SCN4A: variants seen among roughly 807,000 people sequenced by gnomAD.
SCN4A encodes the protein sodium channel protein type 4 subunit alpha.
In SCN4A, 83 loss-of-function variants were observed where a neutral mutation model predicts 162.0. The ratio of observed to expected loss-of-function variants is 0.51; its 90% CI spans 0.43 to 0.61. The LOEUF is 0.61. Ranked by LOEUF, SCN4A falls within the 20% of genes least tolerant of loss-of-function variation. The probability of loss-of-function intolerance (pLI) is 0.00; values close to 1 mark genes in which losing one functional copy is unlikely to be tolerated. For synonymous variants in SCN4A, 944 were observed against 985.1 expected (o/e 0.96, Z 0.78); for missense variants, 2,196 against 2,462.5 (o/e 0.89, Z 2.29).
In SCN4A at chr17:63,957,233, A is replaced by T; in HGVS notation, c.2305T>A (p.Cys769Ser). ...CGEWIETMWD[C>S]MEVAGQAMCL... is the part of the protein sequence containing the mutation. The stretch of plus-strand genomic sequence containing the variant: ...ATGGCTTGGCCGGCCACCTCCATGC[A>T]GTCCCACATGGTCTCGATCCACTCC... The change falls in exon 13 of 24, where the codon TGC becomes AGC. Residue 769 changes from cysteine to serine, a missense_variant. By Grantham distance (112) the Cys-to-Ser change is moderately radical. Coordinates refer to ENST00000435607, the MANE Select transcript of SCN4A (RefSeq NM_000334.4). The T allele has an allele frequency of 6.2e-7, 1 of 1,608,468 alleles. No homozygotes were observed. The highest frequency in any genetic ancestry group is 2.2e-5 in the East Asian group (1 of 44,740).
rs769404443 is a variant in SCN4A, at chr17:63,947,084, C to A, written c.3402G>T (p.Leu1134=). ...PIKSLRTLRA[L]RPLRALSRFE... Reference sequence around the variant, plus strand: ...ATCGGGACAGTGCCCTCAGGGGACGCAGGGCCCGCAGTGTCCGCAGGGATT... The same window carrying A: ...ATCGGGACAGTGCCCTCAGGGGACGAAGGGCCCGCAGTGTCCGCAGGGATT... The change falls in exon 18 of 24, where the codon CTG becomes CTT. Residue 1134 remains leucine, a synonymous_variant. Transcript: ENST00000435607. The A allele has an allele frequency of 3.7e-6, 6 of 1,613,496 alleles. No homozygotes were observed. In the Admixed American group the frequency reaches 1.0e-4, roughly 27 times the overall value.
intron 6 of SCN4A, 126 bp from the exon 7 acceptor site, chr17:63,966,670 C>T (rs949717440): frequency 1.4e-6 from 1 of 702,274 alleles, no homozygotes; most frequent in East Asian, 2.7e-5. Context: ...TGTTCCCTGG[C>T]TGCCTCTTCC....
intron 5 of SCN4A, among the ~76,000 whole-genome samples, 187 bp downstream of exon 5, chr17:63,970,975 C>T (rs184072072): frequency 7.9e-5 from 12 of 152,336 alleles, no homozygotes; most frequent in African/African-American, 1.7e-4. Context: ...GCCTCTCAAA[C>T]GCCCATCCTT....
intron 8 of SCN4A, among the ~76,000 whole-genome samples, chr17:63,965,511 C>T (rs997430740): frequency 1.3e-5 from 2 of 152,060 alleles, no homozygotes; most frequent in African/African-American, 2.4e-5. Flanking sequence ...TTTTTTCAGA[C>T]GGAGTCTCGC....
At chr17:63,955,928 T>C (rs1909058962) in intron 13 of SCN4A, among the ~76,000 whole-genome samples, 4 of 152,236 alleles carry the variant, frequency 2.6e-5, no homozygotes, top group Admixed American at 2.6e-4. Flanking sequence ...TTGGGGAACA[T>C]GGGGACAGGC....
Position 63,950,847 on chromosome 17 carries a change from C to T in SCN4A, c.2853+577G>A, listed in dbSNP as rs1242312041. Among the ~76,000 whole-genome samples, 3 of 152,206 alleles carry T rather than the reference C, an allele frequency of 2.0e-5. No individual in the cohort carries two copies. The highest frequency in any genetic ancestry group is 2.9e-5 in the Non-Finnish European group (2 of 68,034). On this transcript the variant is annotated intron_variant, in intron 14 of 23. Transcript: ENST00000435607. This position sits in a 1 kb window ranked among gnomAD's most constrained non-coding sequence, Gnocchi z 4.6. ...GGGCATCTGAGCCCAGCAGCACACC[C>T]CCTGCATGGCTGAGGGGTCAGGGCT...
chr17:63,972,906 C>A lies in SCN4A; in HGVS notation c.-65G>T. 1.3e-6 allele frequency: 2 copies of A among 1,494,736 alleles called. No individual in the cohort carries two copies. The highest frequency in any genetic ancestry group is 1.8e-6 in the Non-Finnish European group (2 of 1,120,572). 92.6% of individuals were successfully genotyped at this position (1,494,736 alleles called of 1,614,324 possible). ...GGCCTGGGGAGCTGCAGTGCGCAGC[C>A]CCGGGGTGCTGGGCGGCCGCCCCTC... On this transcript the variant is annotated 5_prime_UTR_variant, in exon 1 of 24. Transcript: ENST00000435607. The surrounding 1 kb of genome is among the most constrained non-coding windows in gnomAD (Gnocchi z 4.3).
rs1365824674 is a variant in SCN4A at position 63,947,110 on chromosome 17, T to C, written c.3376A>G (p.Lys1126Glu). Residue 1126 changes from lysine to glutamate, a missense_variant, in exon 18 of 24, where the codon AAA becomes GAA. Physicochemically the swap from Lys to Glu is moderately conservative, Grantham distance 56. Transcript: ENST00000435607. ...AGGGCCCGCAGTGTCCGCAGGGATT[T>C]GATGGGTCCCAGCTCCGAGTAGCCC... ...WLGYSELGPI[K>E]SLRTLRALRP... The C allele has an allele frequency of 5.6e-6, 9 of 1,613,544 alleles. No individual in the cohort carries two copies. Among genetic ancestry groups the C allele is most frequent in the Non-Finnish European group, 6.8e-6 (8 of 1,179,776 alleles).
intron 8 of SCN4A, 92 bp from the exon 9 acceptor site, chr17:63,964,769 G>T: frequency 1.0e-6 from 1 of 970,384 alleles, no homozygotes; most frequent in Non-Finnish European, 1.6e-6. Flanking sequence ...GCCCGCATGG[G>T]TAAGCAGAGC....
rs931714620 is a variant in SCN4A at position 63,963,088 on chromosome 17, C to T, written c.1606+584G>A. Reference sequence around the variant, plus strand: ...ACTTCCCTCCCTCTCATCCATCCATCCATCCATCCATCCGTCCGTCCATCC... The same window carrying T: ...ACTTCCCTCCCTCTCATCCATCCATTCATCCATCCATCCGTCCGTCCATCC... On this transcript the variant is annotated intron_variant, in intron 10 of 23. Coordinates refer to ENST00000435607, the MANE Select transcript of SCN4A (RefSeq NM_000334.4). Among the ~76,000 whole-genome samples, 5 of 152,190 alleles carry T rather than the reference C, an allele frequency of 3.3e-5. No homozygotes were observed. In the East Asian group the frequency reaches 5.8e-4, roughly 18 times the overall value.
chr17:63,944,883 C>G lies in SCN4A; in HGVS notation c.3775-73G>C. 6.3e-7 allele frequency: 1 copy of G among 1,597,632 alleles called. No individual in the cohort carries two copies. The highest frequency in any genetic ancestry group is 8.5e-7 in the Non-Finnish European group (1 of 1,170,754). On this transcript the variant is annotated intron_variant, in intron 20 of 23. Coordinates refer to ENST00000435607, the MANE Select transcript of SCN4A (RefSeq NM_000334.4). The surrounding 1 kb of genome is among the most constrained non-coding windows in gnomAD (Gnocchi z 4.3). Reference sequence around the variant, plus strand: ...TCCCTGCCCCCCACAGCCCTGAGGGCAGGACCCATCCACCCCCAGGGCTGC... The same window carrying G: ...TCCCTGCCCCCCACAGCCCTGAGGGGAGGACCCATCCACCCCCAGGGCTGC...
Position 63,972,420 on chromosome 17 carries a change from T to G in SCN4A, c.324A>C (p.Thr108=), listed in dbSNP as rs1299157504. 1 of 1,613,754 alleles carries G rather than the reference T, an allele frequency of 6.2e-7. No individual in the cohort carries two copies. The highest frequency in any genetic ancestry group is 1.1e-5 in the South Asian group (1 of 91,072). Reference sequence around the variant, plus strand: ...AGGGGCTCAGCAGGTAGAGAGCAGGTGTGGCGGAGAAGCGGAAGATGGCCT... The same window carrying G: ...AGGGGCTCAGCAGGTAGAGAGCAGGGGTGGCGGAGAAGCGGAAGATGGCCT... The part of the protein sequence containing the change: ...KGKAIFRFSA[T]PALYLLSPFS... Residue 108 remains threonine, a synonymous_variant, in exon 2 of 24, where the codon ACA becomes ACC. Transcript: ENST00000435607. This position sits in a 1 kb window ranked among gnomAD's most constrained non-coding sequence, Gnocchi z 4.3.
At chr17:63,946,955 G>T (rs1235494113) in intron 18 of SCN4A, 90 bp downstream of exon 18, 2 of 1,263,960 alleles carry the variant, frequency 1.6e-6, no homozygotes, top group Non-Finnish European at 2.2e-6. Flanking sequence ...TCTGGTGGTG[G>T]TTGGAGTATA....
Position 63,941,677 on chromosome 17 carries a change from C to A in SCN4A, c.4605G>T (p.Ser1535=). The A allele has an allele frequency of 6.2e-7, 1 of 1,614,068 alleles. No individual in the cohort carries two copies. Among genetic ancestry groups the A allele is most frequent in the Non-Finnish European group, 8.5e-7 (1 of 1,180,002 alleles). Residue 1535 remains serine, a synonymous_variant, in exon 24 of 24, where the codon TCG becomes TCT. Coordinates refer to ENST00000435607, the MANE Select transcript of SCN4A (RefSeq NM_000334.4). This position sits in a 1 kb window ranked among gnomAD's most constrained non-coding sequence, Gnocchi z 6.2. ...GGTTGAGGAGCCCGTCCCAGCCGGCCGACGTGGTGATCTCGAACAGGCAGA... is the reference window on the plus strand; with the variant it reads ...GGTTGAGGAGCCCGTCCCAGCCGGCAGACGTGGTGATCTCGAACAGGCAGA... ...SIICLFEITT[S]AGWDGLLNPI... is the part of the protein sequence containing the mutation.
In SCN4A at chr17:63,957,207, C is replaced by T. The variant is rs761141137; in HGVS notation, c.2331G>A (p.Met777Ile). ...TGACCATGAGGAAGACGGTGAGGCA[C>T]ATGGCTTGGCCGGCCACCTCCATGC... ...WDCMEVAGQA[M>I]CLTVFLMVMV... Residue 777 changes from methionine to isoleucine, a missense_variant, in exon 13 of 24, where the codon ATG becomes ATA. Physicochemically the swap from Met to Ile is conservative, Grantham distance 10. Coordinates refer to ENST00000435607, the MANE Select transcript of SCN4A (RefSeq NM_000334.4). 3.8e-6 allele frequency: 6 copies of T among 1,597,714 alleles called. No individual in the cohort carries two copies. The highest frequency in any genetic ancestry group is 5.1e-6 in the Non-Finnish European group (6 of 1,167,626).
intron 13 of SCN4A, among the ~76,000 whole-genome samples, chr17:63,956,346 A>G (rs1461154373): frequency 1.3e-5 from 2 of 152,216 alleles, no homozygotes; most frequent in African/African-American, 2.4e-5. Flanking sequence ...GGCTCAAACC[A>G]TCTTCCTGCC....
In SCN4A at chr17:63,963,719, G is replaced by C. The variant is rs753391449; in HGVS notation, c.1559C>G (p.Pro520Arg). The C allele has an allele frequency of 5.6e-6, 9 of 1,601,118 alleles. No individual in the cohort carries two copies. In the East Asian group the frequency reaches 1.8e-4, roughly 32 times the overall value. The change falls in exon 10 of 24, where the codon CCG (proline) becomes CGG (arginine). Residue 520 changes from proline (P) to arginine (R), a missense_variant. By Grantham distance (103) the Pro-to-Arg change is moderately radical. Transcript: ENST00000435607. Reference sequence around the variant, plus strand: ...GCTGTCTCCGCTGCTGCTCTGCCTCGGGGCTCCCTTCTCCCCTTGCGATGT... The same window carrying C: ...GCTGTCTCCGCTGCTGCTCTGCCTCCGGGCTCCCTTCTCCCCTTGCGATGT... ...LDTSQGEKGAPRQSSSGDSGI... is the reference protein window; with the variant it reads ...LDTSQGEKGARRQSSSGDSGI...
intron 21 of SCN4A, 60 bp from the exon 22 acceptor site, chr17:63,943,910 A>T (rs748339281): frequency 9.2e-7 from 1 of 1,090,526 alleles, no homozygotes; most frequent in Non-Finnish European, 1.4e-6. Flanking sequence ...CTCCAGGACC[A>T]CCCCCACCTC....
chr17:63,961,183 CCCT>C lies in SCN4A; in HGVS notation c.1845+7_1845+9del. The C allele has an allele frequency of 1.5e-6, 2 of 1,345,682 alleles. No homozygotes were observed. The highest frequency in any genetic ancestry group is 1.1e-6 in the Non-Finnish European group (1 of 942,406). The allele number at this position is 1,345,682 out of a possible 1,614,324, so 83.4% of individuals were successfully genotyped here. ...GCCCATGAATGATCCCCTCCCCCGC[CCCT>C]CCCTACCAGGTTGCCCACAGTGAGC... On this transcript the variant is annotated splice_region_variant and intron_variant, in intron 11 of 23. Transcript: ENST00000435607.
Sources: allele counts gnomAD v4.1 joint callset (sites outside exome capture counted in the v4.1 genomes callset), GRCh38; gene constraint gnomAD v4.1.1; non-coding constraint Gnocchi (gnomAD v3.1); transcripts MANE v1.5; gene names NCBI Gene and HGNC (gene_info 2026-07-23, HGNC 2026-07-21).